Variants in XYLT1 observed in about 807,000 individuals in gnomAD.
The protein encoded by XYLT1 is beta-D-xylosyltransferase 1.
XYLT1 carries 36 observed loss-of-function variants against 91.3 expected under a neutral mutation model. That is an observed-to-expected ratio of 0.39 (90% CI 0.30 to 0.52). The LOEUF (loss-of-function observed/expected upper bound fraction) is 0.52, where lower values mean the gene tolerates loss of function less well. Among genes scored for constraint, XYLT1 ranks in the 20% least tolerant of loss-of-function variants. XYLT1 has a pLI of 0.68. For missense variants in XYLT1, 1,242 were observed against 1,284.5 expected (o/e 0.97, Z 0.51); for synonymous variants, 588 against 532.0 (o/e 1.11, Z -1.45).
chr16:17,200,332 C>A, intron 4 of XYLT1, 150 bp downstream of exon 4: 2 of 923,046 alleles, frequency 2.2e-6, no homozygotes, highest in Non-Finnish European at 3.3e-6. Context: ...CACTCTAGGG[C>A]CACACGCTCT....
intron 3 of XYLT1, among the ~76,000 whole-genome samples, chr16:17,200,990 A>C (rs1483325700): frequency 6.6e-6 from 1 of 152,212 alleles, no homozygotes; most frequent in Admixed American, 6.5e-5. Context: ...ACAGAGGAAG[A>C]AGCAGTTAAT....
At chr16:17,195,988 C>T (rs2032420422) in intron 5 of XYLT1, among the ~76,000 whole-genome samples, 1 of 152,188 alleles carries the variant, frequency 6.6e-6, no homozygotes, top group Non-Finnish European at 1.5e-5. Context: ...GTTCTATAAC[C>T]ATTCCCGTTT....
At chr16:17,306,663 T>C (rs1596474431) in intron 2 of XYLT1, among the ~76,000 whole-genome samples, 1 of 152,212 alleles carries the variant, frequency 6.6e-6, no homozygotes, top group East Asian at 1.9e-4. Flanking sequence ...AAACTGGATA[T>C]GAATAAATTT....
rs1966789758 is a variant in XYLT1, at chr16:17,107,263, G to C, written c.*1432C>G. The C allele has an allele frequency of 6.6e-6, 1 of 152,140 alleles. No homozygotes were observed. Among genetic ancestry groups the C allele is most frequent in the Non-Finnish European group, 1.5e-5 (1 of 68,046 alleles). The allele number at this position is 152,140 out of a possible 1,614,324, so 9.4% of individuals were successfully genotyped here. A position where few individuals can be genotyped will look rare whatever the true frequency, so the allele number is the denominator to read the frequency against. Reference sequence around the variant, plus strand: ...CTTCAAACCCACGCTGGAGAGAAGTGTCAGGACTGGCTCTCCATGGGAAGG... The same window carrying C: ...CTTCAAACCCACGCTGGAGAGAAGTCTCAGGACTGGCTCTCCATGGGAAGG... On this transcript the variant is annotated 3_prime_UTR_variant, in exon 12 of 12. Transcript: ENST00000261381.
chr16:17,330,104 TACACACACACACACAC>T (rs35148093), intron 2 of XYLT1, among the ~76,000 whole-genome samples: 16 of 144,582 alleles, frequency 1.1e-4, no homozygotes, highest in South Asian at 4.5e-4. Context: ...TGGAGGTAGA[TACACACACACACACAC>T]ACACACACAC....
chr16:17,228,304 G>A (rs1241490977), intron 3 of XYLT1, among the ~76,000 whole-genome samples: 2 of 152,198 alleles, frequency 1.3e-5, no homozygotes, highest in East Asian at 3.9e-4. Context: ...ATAATCCCCT[G>A]CACATTTCAT....
chr16:17,109,035 C>G lies in XYLT1; in HGVS notation c.2558-18G>C. 1 of 1,496,680 alleles carries G rather than the reference C, an allele frequency of 6.7e-7. No individual in the cohort carries two copies. The highest frequency in any genetic ancestry group is 1.4e-5 in the South Asian group (1 of 70,164). The allele number at this position is 1,496,680 out of a possible 1,614,324, so 92.7% of individuals were successfully genotyped here. ...TGCCTCCTCTGAAAGCCAAAGGGAA[C>G]AATTTCAGGATCAGAAGAGCCACCA... On this transcript the variant is annotated intron_variant, in intron 11 of 11. Coordinates refer to ENST00000261381, the MANE Select transcript of XYLT1 (RefSeq NM_022166.4).
intron 10 of XYLT1, among the ~76,000 whole-genome samples, chr16:17,123,028 C>T (rs2030129338): frequency 6.6e-6 from 1 of 152,120 alleles, no homozygotes; most frequent in South Asian, 2.1e-4. Flanking sequence ...CAGATTTGTT[C>T]TTTTTGCTTA....
At chr16:17,186,442 AG>A (rs566254356) in intron 5 of XYLT1, among the ~76,000 whole-genome samples, 110 of 148,064 alleles carry the variant, frequency 7.4e-4, no homozygotes, top group African/African-American at 2.7e-3. Context: ...CTGGCGTTAC[AG>A]GGGTGCACCA....
chr16:17,222,969 C>T (rs1187947087), intron 3 of XYLT1, among the ~76,000 whole-genome samples: 2 of 149,874 alleles, frequency 1.3e-5, no homozygotes, highest in East Asian at 3.9e-4. Flanking sequence ...TGGGACTAGG[C>T]GCTGATGAAC....
At chr16:17,350,259 G>A (rs143957511) in intron 2 of XYLT1, among the ~76,000 whole-genome samples, 1 of 152,188 alleles carries the variant, frequency 6.6e-6, no homozygotes, top group African/African-American at 2.4e-5. Flanking sequence ...CAACAAGAAG[G>A]GGGGAATGGT....
At chr16:17,232,580 G>A (rs2033182508) in intron 3 of XYLT1, among the ~76,000 whole-genome samples, 1 of 151,620 alleles carries the variant, frequency 6.6e-6, no homozygotes, top group Non-Finnish European at 1.5e-5. Context: ...AGATGGCGGT[G>A]GTGTTGGCAG....
At position 17,114,905 on chromosome 16, in the gene XYLT1, C is replaced by T. The variant is rs572028417; in HGVS notation, c.2557+2741G>A. Among the ~76,000 whole-genome samples, 6 of 152,034 alleles carry T rather than the reference C, an allele frequency of 3.9e-5. No individual in the cohort carries two copies. In the East Asian group the frequency reaches 9.7e-4, roughly 25 times the overall value. On this transcript the variant is annotated intron_variant, in intron 11 of 11. Transcript: ENST00000261381. Reference sequence around the variant, plus strand: ...TGTCACCCAGGCTGGAGTGCAGTGGCGTGATCTCAGTTCACTGCAAGCTCC... The same window carrying T: ...TGTCACCCAGGCTGGAGTGCAGTGGTGTGATCTCAGTTCACTGCAAGCTCC...
At chr16:17,243,915 C>T (rs1247011990) in intron 3 of XYLT1, among the ~76,000 whole-genome samples, 2 of 152,158 alleles carry the variant, frequency 1.3e-5, no homozygotes, top group African/African-American at 4.8e-5. Flanking sequence ...GGTCTCCCAC[C>T]ATGCTTGGCC....
intron 3 of XYLT1, among the ~76,000 whole-genome samples, chr16:17,230,966 C>G (rs928554599): frequency 8.5e-5 from 13 of 152,198 alleles, no homozygotes; most frequent in Non-Finnish European, 1.9e-4. Flanking sequence ...AATGATCCAG[C>G]CCAAAGTGTC....
Position 17,174,840 on chromosome 16 carries a change from C to T in XYLT1, c.1290-15931G>A, listed in dbSNP as rs141969636. ...GGGTAGAGTGCACTGGTGCGATCTC[C>T]GCTCACTGCAACCTCCACCTCCTGG... On this transcript the variant is annotated intron_variant, in intron 5 of 11. Transcript: ENST00000261381. Among the ~76,000 whole-genome samples the T allele has an allele frequency of 3.2e-3, 489 of 152,258 alleles. 3 individuals carry two copies. The highest frequency in any genetic ancestry group is 0.011 in the African/African-American group (459 of 41,526).
At chr16:17,276,203 G>A (rs566141913) in intron 2 of XYLT1, among the ~76,000 whole-genome samples, 40 of 152,312 alleles carry the variant, frequency 2.6e-4, no homozygotes, top group Admixed American at 2.0e-3. Context: ...TCCTTTATGA[G>A]CATGTGTTTG....
chr16:17,401,518 T>C (rs2035969049), intron 1 of XYLT1, among the ~76,000 whole-genome samples: 2 of 152,330 alleles, frequency 1.3e-5, no homozygotes, highest in South Asian at 4.1e-4. Flanking sequence ...AGGGATGGCT[T>C]CTTCAACATC....
chr16:17,113,804 G>A (rs1225105274), intron 11 of XYLT1, among the ~76,000 whole-genome samples: 1 of 152,232 alleles, frequency 6.6e-6, no homozygotes, highest in Admixed American at 6.5e-5. Flanking sequence ...TTCATAAAAG[G>A]CCCAAAGGAC....
Sources: gnomAD v4.1 joint callset for allele counts (sites outside exome capture counted in the v4.1 genomes callset) on GRCh38, gnomAD v4.1.1 for gene constraint, MANE v1.5 for transcripts, NCBI Gene and HGNC (gene_info 2026-07-23, HGNC 2026-07-21) for gene names.